WBP2NL: variants seen among roughly 807,000 people sequenced by gnomAD.
WBP2NL encodes the protein WBP2 N-terminal like, also known as postacrosomal sheath WW domain-binding protein.
WBP2NL carries 27 observed loss-of-function variants against 23.3 expected under a neutral mutation model. The ratio of observed to expected loss-of-function variants is 1.16; its 90% CI spans 0.85 to 1.60. The LOEUF (loss-of-function observed/expected upper bound fraction) is 1.60, where lower values mean the gene tolerates loss of function less well. Among genes scored for constraint, WBP2NL ranks in the 40% most tolerant of loss-of-function variants. The pLI is 0.00. For missense variants in WBP2NL, 370 were observed against 389.5 expected (o/e 0.95, Z 0.42); for synonymous variants, 151 against 145.9 (o/e 1.03, Z -0.25).
intron 8 of WBP2NL, among the ~76,000 whole-genome samples, chr22:42,056,584 G>C (rs1926039683): frequency 6.6e-6 from 1 of 152,110 alleles, no homozygotes; most frequent in Non-Finnish European, 1.5e-5. Flanking sequence ...CTCTGTTTTT[G>C]TTTATCTGGG....
chr22:42,026,773 C>T lies in WBP2NL; in HGVS notation c.522C>T (p.Val174=). 6.2e-7 allele frequency: 1 copy of T among 1,613,334 alleles called. No individual in the cohort carries two copies. The highest frequency in any genetic ancestry group is 8.5e-7 in the Non-Finnish European group (1 of 1,179,688). ...TTCCATTATAATTCCCAGTTATTGT[C>T]TATGGAGCCCCACCTGCAGGATATG... ...CTPQMPCSVI[V]YGAPPAGYGA... is the part of the protein sequence containing the mutation. Residue 174 remains valine (V), a synonymous_variant, in exon 6 of 6, where the codon GTC becomes GTT. Coordinates refer to ENST00000328823, the MANE Select transcript of WBP2NL (RefSeq NM_152613.3).
At chr22:42,024,381 G>A (rs1924280280) in intron 5 of WBP2NL, among the ~76,000 whole-genome samples, 1 of 152,142 alleles carries the variant, frequency 6.6e-6, no homozygotes, top group African/African-American at 2.4e-5. Flanking sequence ...TGGGTCATAT[G>A]TAAATTCTCT....
At chr22:42,003,964 C>A (rs1921959793) in intron 1 of WBP2NL, among the ~76,000 whole-genome samples, 1 of 152,160 alleles carries the variant, frequency 6.6e-6, no homozygotes. Flanking sequence ...CAGCAGTTTA[C>A]AAATGGATAA....
Position 42,019,706 on chromosome 22 carries a change from T to C in WBP2NL, c.216T>C (p.Ser72=). Residue 72 remains serine (S), a synonymous_variant, in exon 3 of 6, where the codon TCT becomes TCC. Coordinates refer to ENST00000328823, the MANE Select transcript of WBP2NL (RefSeq NM_152613.3). The part of the protein sequence containing the change: ...TSCSISDPML[S]FMMPFDLMTN... ...GCTCCATCAGTGATCCCATGTTGTCTTTTATGATGCCATTTGATCTGATGA... is the reference window on the plus strand; with the variant it reads ...GCTCCATCAGTGATCCCATGTTGTCCTTTATGATGCCATTTGATCTGATGA... 6.2e-7 allele frequency: 1 copy of C among 1,614,226 alleles called. No individual in the cohort carries two copies. The highest frequency in any genetic ancestry group is 2.2e-5 in the East Asian group (1 of 44,884).
At chr22:42,028,881 G>C (rs1007455903), downstream of WBP2NL, among the ~76,000 whole-genome samples, 3 of 152,204 alleles carry the variant, frequency 2.0e-5, no homozygotes, top group Admixed American at 6.5e-5. Flanking sequence ...TGCCCTGTAC[G>C]TTTCAGGATG....
At chr22:42,047,585 C>CA (rs1240788873) in intron 8 of WBP2NL, among the ~76,000 whole-genome samples, 1 of 147,348 alleles carries the variant, frequency 6.8e-6, no homozygotes, top group Non-Finnish European at 1.5e-5. Flanking sequence ...AAAACAACAA[C>CA]AAAAAACCCC....
At chr22:42,017,695 G>C (rs1401975265) in intron 1 of WBP2NL, among the ~76,000 whole-genome samples, 1 of 152,194 alleles carries the variant, frequency 6.6e-6, no homozygotes, top group East Asian at 1.9e-4. Flanking sequence ...ATTATACATT[G>C]GTTACATATA....
intron 8 of WBP2NL, among the ~76,000 whole-genome samples, chr22:42,053,397 G>T (rs7287653): frequency 0.072 from 10,946 of 151,990 alleles, 1,338 homozygotes; most frequent in African/African-American, 0.25. Flanking sequence ...CTGCCAGGCA[G>T]GTTTCTACAG....
At chr22:42,030,698 T>A (rs551928482), downstream of WBP2NL, 8 of 152,352 alleles carry the variant, frequency 5.3e-5, no homozygotes, top group East Asian at 1.5e-3. Context: ...AAGTTTCTTC[T>A]TTTCTTACTT....
At chr22:42,018,828 A>T (rs1210538349) in intron 1 of WBP2NL, among the ~76,000 whole-genome samples, 1 of 151,916 alleles carries the variant, frequency 6.6e-6, no homozygotes. Flanking sequence ...GAATAAGATC[A>T]TTTGAATTCC....
chr22:42,037,852 T>A (rs200018924), downstream of WBP2NL, among the ~76,000 whole-genome samples: 11 of 16,258 alleles, frequency 6.8e-4, no homozygotes, highest in East Asian at 6.9e-3. Flanking sequence ...AGAGTGAGAG[T>A]GTGTGTGTGT....
intron 1 of WBP2NL, among the ~76,000 whole-genome samples, chr22:41,999,658 C>G (rs1264008440): frequency 6.6e-6 from 1 of 152,102 alleles, no homozygotes; most frequent in Non-Finnish European, 1.5e-5. Context: ...ATCCCAGCTG[C>G]TTGGGAGGCG....
chr22:42,019,893 A>G, intron 3 of WBP2NL, 90 bp downstream of exon 3: 1 of 1,597,566 alleles, frequency 6.3e-7, no homozygotes, highest in Non-Finnish European at 8.5e-7. Context: ...TTGAAATTCA[A>G]ACAAAAGCTG....
intron 8 of WBP2NL, among the ~76,000 whole-genome samples, chr22:42,044,022 C>T (rs1047932357): frequency 1.3e-5 from 2 of 152,142 alleles, no homozygotes; most frequent in Admixed American, 6.5e-5. Context: ...CCACCTCGCC[C>T]GCCCTGCAGC....
At chr22:42,044,849 G>A (rs1925524796) in intron 8 of WBP2NL, among the ~76,000 whole-genome samples, 1 of 152,054 alleles carries the variant, frequency 6.6e-6, no homozygotes, top group Non-Finnish European at 1.5e-5. Flanking sequence ...ATGTCACTCT[G>A]TCACCCAGGC....
intron 1 of WBP2NL, chr22:42,001,238 C>A: frequency 1.4e-6 from 1 of 698,384 alleles, no homozygotes; most frequent in East Asian, 2.5e-5. Flanking sequence ...TCCTTTGCAT[C>A]CTGACTGCAT....
intron 8 of WBP2NL, among the ~76,000 whole-genome samples, chr22:42,043,016 G>GAAAAAAAA (rs59812729): frequency 3.6e-5 from 2 of 55,386 alleles, no homozygotes; most frequent in African/African-American, 5.2e-5. Flanking sequence ...AGTGAGCCAA[G>GAAAAAAAA]AAAAAAAAAA....
chr22:42,053,646 G>A, intron 8 of WBP2NL, among the ~76,000 whole-genome samples: 1 of 151,896 alleles, frequency 6.6e-6, no homozygotes, highest in Admixed American at 6.6e-5. Flanking sequence ...TTTTAGTAGA[G>A]ACAGGGTTTT....
At chr22:42,001,888 C>T (rs1200037588) in intron 1 of WBP2NL, 2 of 1,472,624 alleles carry the variant, frequency 1.4e-6, no homozygotes, top group African/African-American at 1.4e-5. Context: ...TCGATGGGTG[C>T]TACCGCCATC....
Sources: allele counts gnomAD v4.1 joint callset (sites outside exome capture counted in the v4.1 genomes callset), GRCh38; gene constraint gnomAD v4.1.1; transcripts MANE v1.5; gene names NCBI Gene and HGNC (gene_info 2026-07-23, HGNC 2026-07-21).